The following ADAMTS3 variants were observed in gnomAD, a reference collection of about 807,000 sequenced individuals.
ADAMTS3 encodes A disintegrin and metalloproteinase with thrombospondin motifs 3.
A neutral mutation model predicts 129.0 loss-of-function variants in ADAMTS3; 73 were observed. The ratio of observed to expected loss-of-function variants is 0.57; its 90% CI spans 0.47 to 0.69. The LOEUF (loss-of-function observed/expected upper bound fraction) is 0.69, where lower values mean the gene tolerates loss of function less well. ADAMTS3 is among the 30% of genes least tolerant of loss of function. The probability of loss-of-function intolerance (pLI) is 0.00; values close to 1 mark genes in which losing one functional copy is unlikely to be tolerated. For synonymous variants in ADAMTS3, 477 were observed against 510.8 expected (o/e 0.93, Z 0.89); for missense variants, 1,457 against 1,514.5 (o/e 0.96, Z 0.63).
intron 18 of ADAMTS3, 132 bp from the exon 19 acceptor site, chr4:72,295,918 C>A: frequency 9.2e-7 from 1 of 1,084,692 alleles, no homozygotes; most frequent in South Asian, 1.6e-5. Flanking sequence ...CAAACCGGCA[C>A]TTCAATAGGT....
chr4:72,326,640 T>C (rs574070255), intron 5 of ADAMTS3, among the ~76,000 whole-genome samples: 5 of 152,160 alleles, frequency 3.3e-5, no homozygotes. Context: ...ATCATACAAC[T>C]ATACTCGGCA....
At chr4:72,474,661 A>G (rs1239804462) in intron 3 of ADAMTS3, among the ~76,000 whole-genome samples, 2 of 152,224 alleles carry the variant, frequency 1.3e-5, no homozygotes, top group African/African-American at 4.8e-5. Context: ...TTATGTACAT[A>G]TAATACAATA....
rs72852061 is a variant in ADAMTS3 at position 72,423,908 on chromosome 4, A to G, written c.505-8937T>C. 5.8e-3 allele frequency among the ~76,000 whole-genome samples: 890 copies of G among 152,250 alleles called. 14 individuals are homozygous for G. Among genetic ancestry groups the G allele is most frequent in the African/African-American group, 0.02 (851 of 41,566 alleles). On this transcript the variant is annotated intron_variant, in intron 3 of 21. Coordinates refer to ENST00000286657, the MANE Select transcript of ADAMTS3 (RefSeq NM_014243.3). ...CAGTAGCTGGAATAGCCCCCAAGCC[A>G]TGCCTTCAATTTCTATAAAGCTTCC... is the stretch of plus-strand genomic sequence containing the variant.
chr4:72,422,045 C>G (rs1439688979), intron 3 of ADAMTS3, among the ~76,000 whole-genome samples: 1 of 152,168 alleles, frequency 6.6e-6, no homozygotes, highest in Non-Finnish European at 1.5e-5. Context: ...TTCCTGCTCT[C>G]AGGTCTGCAA....
intron 5 of ADAMTS3, 65 bp from the exon 6 acceptor site, chr4:72,323,162 A>G (rs1719605011): frequency 2.3e-6 from 3 of 1,277,540 alleles, no homozygotes; most frequent in Non-Finnish European, 3.4e-6. Context: ...AGATGTACAT[A>G]TAAGCTGTGT....
intron 3 of ADAMTS3, among the ~76,000 whole-genome samples, chr4:72,491,209 G>C (rs895676828): frequency 6.6e-6 from 1 of 151,704 alleles, no homozygotes; most frequent in Admixed American, 6.6e-5. Context: ...AGTTCTAACA[G>C]AATTTTGTTG....
chr4:72,433,411 A>T (rs1051903726), intron 3 of ADAMTS3, among the ~76,000 whole-genome samples: 2 of 151,936 alleles, frequency 1.3e-5, no homozygotes, highest in Admixed American at 6.6e-5. Flanking sequence ...AGGAGAAGGC[A>T]TATCTATCAA....
chr4:72,312,099 G>A, intron 13 of ADAMTS3, 192 bp downstream of exon 13: 1 of 560,134 alleles, frequency 1.8e-6, no homozygotes, highest in African/African-American at 1.9e-5. Flanking sequence ...AGGAACTATT[G>A]CACCATTCTT....
intron 3 of ADAMTS3, among the ~76,000 whole-genome samples, chr4:72,515,016 T>C (rs1335045476): frequency 6.6e-6 from 1 of 151,982 alleles, no homozygotes; most frequent in Non-Finnish European, 1.5e-5. Flanking sequence ...CCCCAGAGTG[T>C]AATATTCCCC....
intron 3 of ADAMTS3, among the ~76,000 whole-genome samples, chr4:72,427,183 C>T (rs1300880325): frequency 6.6e-6 from 1 of 152,084 alleles, no homozygotes; most frequent in Non-Finnish European, 1.5e-5. Context: ...TAACTTCTCA[C>T]ACATGCCAGT....
At chr4:72,472,756 C>T (rs1382240437) in intron 3 of ADAMTS3, among the ~76,000 whole-genome samples, 3 of 152,002 alleles carry the variant, frequency 2.0e-5, no homozygotes, top group Non-Finnish European at 4.4e-5. Flanking sequence ...ATAAGATAGT[C>T]AAAATGAAGG....
chr4:72,425,510 G>C (rs1232887074), intron 3 of ADAMTS3, among the ~76,000 whole-genome samples: 1 of 152,030 alleles, frequency 6.6e-6, no homozygotes, highest in Non-Finnish European at 1.5e-5. Context: ...ACAGGTCCCG[G>C]TGTGTGATGT....
At chr4:72,394,753 A>C (rs1314508641) in intron 4 of ADAMTS3, among the ~76,000 whole-genome samples, 3 of 152,228 alleles carry the variant, frequency 2.0e-5, no homozygotes, top group Non-Finnish European at 4.4e-5. Flanking sequence ...ACTACACTAA[A>C]ATAGTTGATT....
intron 2 of ADAMTS3, among the ~76,000 whole-genome samples, chr4:72,555,829 G>C (rs894120503): frequency 6.6e-6 from 1 of 151,420 alleles, no homozygotes; most frequent in Non-Finnish European, 1.5e-5. Context: ...GTTCTCATGA[G>C]ATATGGTTGT....
At chr4:72,489,002 A>G (rs896008705) in intron 3 of ADAMTS3, among the ~76,000 whole-genome samples, 1 of 151,920 alleles carries the variant, frequency 6.6e-6, no homozygotes, top group Non-Finnish European at 1.5e-5. Flanking sequence ...ACTTTTTTAT[A>G]TTCCACATAT....
rs1317957319 is a variant in ADAMTS3 at position 72,432,759 on chromosome 4, GAGTA to G, written c.505-17792_505-17789del. On this transcript the variant is annotated intron_variant, in intron 3 of 21. Transcript: ENST00000286657. ...ATCAAGGACCAATAATAAAACAGATGAGTAAGTTTTTTCCTTTTTACATTTTTTT... is the reference window on the plus strand; with the variant it reads ...ATCAAGGACCAATAATAAAACAGATGAGTTTTTTCCTTTTTACATTTTTTT... Among the ~76,000 whole-genome samples, 5 of 138,788 alleles carry G rather than the reference GAGTA, an allele frequency of 3.6e-5. No individual in the cohort carries two copies. In the East Asian group the frequency reaches 9.7e-4, roughly 27 times the overall value. 91.1% of individuals were successfully genotyped at this position (138,788 alleles called of 152,430 possible). A position where few individuals can be genotyped will look rare whatever the true frequency, so the allele number is the denominator to read the frequency against.
In ADAMTS3 at chr4:72,534,283, C is replaced by T. The variant is rs138704157; in HGVS notation, c.504+14195G>A. 8.0e-3 allele frequency among the ~76,000 whole-genome samples: 1,208 copies of T among 151,646 alleles called. 6 individuals carry two copies. Among genetic ancestry groups the T allele is most frequent in the Middle Eastern group, 0.024 (7 of 294 alleles). ...CGGAGTTTGCAGTGAGCTGAGATTGCGCCACTGCACTCCAGCATGGGCGAC... is the reference window on the plus strand; with the variant it reads ...CGGAGTTTGCAGTGAGCTGAGATTGTGCCACTGCACTCCAGCATGGGCGAC... On this transcript the variant is annotated intron_variant, in intron 3 of 21. Transcript: ENST00000286657.
chr4:72,514,924 T>C (rs1325466916), intron 3 of ADAMTS3, among the ~76,000 whole-genome samples: 1 of 152,076 alleles, frequency 6.6e-6, no homozygotes, highest in Non-Finnish European at 1.5e-5. Flanking sequence ...CATGCTGGTG[T>C]GCTGCACCCA....
At chr4:72,314,682 A>G (rs1719343586) in intron 11 of ADAMTS3, among the ~76,000 whole-genome samples, 2 of 152,126 alleles carry the variant, frequency 1.3e-5, no homozygotes, top group Admixed American at 6.6e-5. Flanking sequence ...AACTCGTTAT[A>G]CTCTTGTTTT....
Sources: allele counts gnomAD v4.1 joint callset (sites outside exome capture counted in the v4.1 genomes callset), GRCh38; gene constraint gnomAD v4.1.1; transcripts MANE v1.5; gene names NCBI Gene and HGNC (gene_info 2026-07-23, HGNC 2026-07-21).